Variants in GFPT1 observed in about 807,000 individuals in gnomAD.
The protein encoded by GFPT1 is glutamine--fructose-6-phosphate transaminase 1, also known as glutamine--fructose-6-phosphate aminotransferase [isomerizing] 1.
A neutral mutation model predicts 92.0 loss-of-function variants in GFPT1; 40 were observed. The observed-to-expected ratio is 0.43, with a 90% CI of 0.34 to 0.57. The LOEUF is 0.57. Among genes scored for constraint, GFPT1 ranks in the 20% least tolerant of loss-of-function variants. GFPT1 has a pLI of 0.02. For synonymous variants in GFPT1, 269 were observed against 280.6 expected (o/e 0.96, Z 0.41); for missense variants, 448 against 869.1 (o/e 0.52, Z 6.09).
rs148911531 is a variant in GFPT1 at position 69,342,094 on chromosome 2, C to T, written c.1203+58G>A. 1.6e-4 allele frequency: 143 copies of T among 888,188 alleles called. No homozygotes were observed. In the African/African-American group the frequency reaches 2.2e-3, roughly 14 times the overall value. 55.0% of individuals were successfully genotyped at this position (888,188 alleles called of 1,614,324 possible). The stretch of plus-strand genomic sequence containing the variant: ...TACACAGTATGTTATTAGACTACTA[C>T]TTGGTCTACAGATATTCTCTAATAT... On this transcript the variant is annotated intron_variant, in intron 13 of 19. Transcript: ENST00000357308.
At chr2:69,378,306 T>C (rs1671928554) in intron 1 of GFPT1, among the ~76,000 whole-genome samples, 1 of 152,160 alleles carries the variant, frequency 6.6e-6, no homozygotes, top group Non-Finnish European at 1.5e-5. Context: ...GCACCCGGCC[T>C]AAACTCCCAA....
rs527511157 is a variant in GFPT1, at chr2:69,323,041, T to C, written c.*3148A>G. ...CACAGTGACTTTCCCATAATAGGTA[T>C]TAATAAACACTTGTTGACATAGTTA... is the stretch of plus-strand genomic sequence containing the variant. On this transcript the variant is annotated 3_prime_UTR_variant, in exon 20 of 20. Transcript: ENST00000357308. 1.3e-5 allele frequency: 2 copies of C among 152,370 alleles called. No homozygotes were observed. Among genetic ancestry groups the C allele is most frequent in the Admixed American group, 6.5e-5 (1 of 15,310 alleles). 9.4% of individuals were successfully genotyped at this position (152,370 alleles called of 1,614,324 possible). A position where few individuals can be genotyped will look rare whatever the true frequency, so the allele number is the denominator to read the frequency against.
chr2:69,364,994 CAAAAAAA>C (rs58848043), intron 3 of GFPT1, among the ~76,000 whole-genome samples: 14 of 44,166 alleles, frequency 3.2e-4, no homozygotes, highest in African/African-American at 8.1e-4. Context: ...GACTCCCTCT[CAAAAAAA>C]AAAAAAAAAA....
Position 69,320,278 on chromosome 2 carries a change from A to C in GFPT1, c.*5911T>G, listed in dbSNP as rs900606149. On this transcript the variant is annotated 3_prime_UTR_variant, in exon 20 of 20. Coordinates refer to ENST00000357308, the MANE Select transcript of GFPT1 (RefSeq NM_001244710.2). ...TTAAGAATGTACTAGTTAAGAACCA[A>C]GGAGTTATACCCAGTTCACAATACT... 3 of 152,238 alleles carry C rather than the reference A, an allele frequency of 2.0e-5. No individual in the cohort carries two copies. Among genetic ancestry groups the C allele is most frequent in the African/African-American group, 7.2e-5 (3 of 41,462 alleles). 9.4% of individuals were successfully genotyped at this position (152,238 alleles called of 1,614,324 possible). A position where few individuals can be genotyped will look rare whatever the true frequency, so the allele number is the denominator to read the frequency against.
In GFPT1 at chr2:69,321,571, TAAC is replaced by T. The variant is rs1670404497; in HGVS notation, c.*4615_*4617del. On this transcript the variant is annotated 3_prime_UTR_variant, in exon 20 of 20. Coordinates refer to ENST00000357308, the MANE Select transcript of GFPT1 (RefSeq NM_001244710.2). ...ACAGTTCAGGCTTACTCACTGGACT[TAAC>T]GACATGAGGAAGAAATGACCAACTG... The T allele has an allele frequency of 6.6e-6, 1 of 152,194 alleles. No homozygotes were observed. Among genetic ancestry groups the T allele is most frequent in the Non-Finnish European group, 1.5e-5 (1 of 68,022 alleles). 9.4% of individuals were successfully genotyped at this position (152,194 alleles called of 1,614,324 possible). A position where few individuals can be genotyped will look rare whatever the true frequency, so the allele number is the denominator to read the frequency against.
intron 3 of GFPT1, among the ~76,000 whole-genome samples, chr2:69,367,327 T>A (rs1306099003): frequency 1.3e-5 from 2 of 150,822 alleles, no homozygotes; most frequent in Non-Finnish European, 2.9e-5. Context: ...TCATTCACTA[T>A]CATATACAAC....
In GFPT1 at chr2:69,338,067, G is replaced by A; in HGVS notation, c.1325-12C>T. The A allele has an allele frequency of 1.2e-6, 2 of 1,613,646 alleles. No individual in the cohort carries two copies. The highest frequency in any genetic ancestry group is 1.7e-5 in the Admixed American group (1 of 60,004). ...ATCTGCTGTCTCACCTGTGTAAAAA[G>A]TAGGCCAACCATAACACACAGAACA... On this transcript the variant is annotated splice_polypyrimidine_tract_variant and intron_variant, in intron 14 of 19. Coordinates refer to ENST00000357308, the MANE Select transcript of GFPT1 (RefSeq NM_001244710.2).
intron 15 of GFPT1, among the ~76,000 whole-genome samples, chr2:69,337,556 CTTG>C (rs1230732323): frequency 1.3e-5 from 2 of 152,152 alleles, no homozygotes; most frequent in East Asian, 3.8e-4. Flanking sequence ...ATGTTATATA[CTTG>C]TTATGTATCC....
intron 4 of GFPT1, among the ~76,000 whole-genome samples, chr2:69,360,539 G>A (rs932177050): frequency 2.0e-5 from 3 of 151,016 alleles, no homozygotes; most frequent in Non-Finnish European, 2.9e-5. Context: ...CCTGGGCTCA[G>A]GTGATTCTTC....
chr2:69,377,133 G>A (rs1175506430), intron 1 of GFPT1, among the ~76,000 whole-genome samples: 1 of 151,160 alleles, frequency 6.6e-6, no homozygotes, highest in Admixed American at 6.6e-5. Context: ...GCTTGAACCT[G>A]GGAGGCAGAG....
At chr2:69,329,917 T>C (rs926566138) in intron 15 of GFPT1, 119 bp from the exon 16 acceptor site, 3 of 724,846 alleles carry the variant, frequency 4.1e-6, no homozygotes, top group Admixed American at 2.0e-5. Flanking sequence ...ATATTCTCTA[T>C]CTCTTAAAAC....
intron 19 of GFPT1, 64 bp from the exon 20 acceptor site, chr2:69,326,297 T>TTTAG (rs758642411): frequency 1.0e-6 from 1 of 989,072 alleles, no homozygotes; most frequent in Non-Finnish European, 1.6e-6. Context: ...AAGGGGGTGG[T>TTTAG]TACTATAAGC....
rs1285294658 is a variant in GFPT1 at position 69,372,459 on chromosome 2, A to G, written c.115+1547T>C. ...GTGGTGCATGCCTGTTATCCCAGCTACTGGAGAGGCTAAGGCAGAAGAATC... is the reference window on the plus strand; with the variant it reads ...GTGGTGCATGCCTGTTATCCCAGCTGCTGGAGAGGCTAAGGCAGAAGAATC... On this transcript the variant is annotated intron_variant, in intron 2 of 19. Coordinates refer to ENST00000357308, the MANE Select transcript of GFPT1 (RefSeq NM_001244710.2). Among the ~76,000 whole-genome samples, 5 of 152,216 alleles carry G rather than the reference A, an allele frequency of 3.3e-5. 1 individual carries two copies. Among genetic ancestry groups the G allele is most frequent in the Non-Finnish European group, 7.4e-5 (5 of 67,998 alleles).
At position 69,319,800 on chromosome 2, in the gene GFPT1, A is replaced by C. The variant is rs1389749541; in HGVS notation, c.*6389T>G. On this transcript the variant is annotated 3_prime_UTR_variant, in exon 20 of 20. Transcript: ENST00000357308. ...AAATATTGGATTTACATTTTATTCA[A>C]AGGATAAATACAAAATTAAGAAAGA... The C allele has an allele frequency of 1.3e-5, 2 of 152,246 alleles. No individual in the cohort carries two copies. Among genetic ancestry groups the C allele is most frequent in the African/African-American group, 2.4e-5 (1 of 41,466 alleles). The allele number at this position is 152,246 out of a possible 1,614,324, so 9.4% of individuals were successfully genotyped here.
chr2:69,332,801 C>A lies in GFPT1; in HGVS notation c.1483-3003G>T, dbSNP rs564319970. ...GCTGAGGGGTGTGTGTGTGCGCGCG[C>A]GGATTATATGCTGAATTTCTATTAC... On this transcript the variant is annotated intron_variant, in intron 15 of 19. Coordinates refer to ENST00000357308, the MANE Select transcript of GFPT1 (RefSeq NM_001244710.2). Among the ~76,000 whole-genome samples, 13 of 151,934 alleles carry A rather than the reference C, an allele frequency of 8.6e-5. No individual in the cohort carries two copies. In the South Asian group the frequency reaches 2.3e-3, roughly 27 times the overall value.
chr2:69,370,126 A>G lies in GFPT1; in HGVS notation c.116-18T>C. ...TCCCACACCTAAACCATCATGAGGTAAAAAAGCAAAATTTAGAAACTGGCT... is the reference window on the plus strand; with the variant it reads ...TCCCACACCTAAACCATCATGAGGTGAAAAAGCAAAATTTAGAAACTGGCT... On this transcript the variant is annotated intron_variant, in intron 2 of 19. Transcript: ENST00000357308. 1 of 1,479,738 alleles carries G rather than the reference A, an allele frequency of 6.8e-7. No individual in the cohort carries two copies. The highest frequency in any genetic ancestry group is 9.5e-7 in the Non-Finnish European group (1 of 1,057,450). 91.7% of individuals were successfully genotyped at this position (1,479,738 alleles called of 1,614,324 possible).
intron 4 of GFPT1, among the ~76,000 whole-genome samples, chr2:69,361,890 A>T (rs1212414265): frequency 6.6e-6 from 1 of 152,014 alleles, no homozygotes; most frequent in East Asian, 1.9e-4. Flanking sequence ...TGAGGCAGGA[A>T]GATCACTTGT....
chr2:69,338,675 C>T (rs182100625), intron 13 of GFPT1, 110 bp from the exon 14 acceptor site: 23 of 1,011,906 alleles, frequency 2.3e-5, no homozygotes, highest in South Asian at 2.1e-4. Context: ...AAAAATGACA[C>T]GTTAGAAAAT....
At chr2:69,366,397 C>T (rs527507604) in intron 3 of GFPT1, among the ~76,000 whole-genome samples, 23 of 152,262 alleles carry the variant, frequency 1.5e-4, no homozygotes, top group South Asian at 6.2e-4. Flanking sequence ...GTCTGTTACC[C>T]ATTTTAAAGC....
Sources: gnomAD v4.1 joint callset for allele counts (sites outside exome capture counted in the v4.1 genomes callset) on GRCh38, gnomAD v4.1.1 for gene constraint, MANE v1.5 for transcripts, NCBI Gene and HGNC (gene_info 2026-07-23, HGNC 2026-07-21) for gene names.